Variants in PPIP5K2 observed in about 807,000 individuals in gnomAD.
PPIP5K2 encodes the protein inositol hexakisphosphate and diphosphoinositol-pentakisphosphate kinase 2.
In PPIP5K2, 105 loss-of-function variants were observed where a neutral mutation model predicts 154.6. The ratio of observed to expected loss-of-function variants is 0.68; its 90% CI spans 0.58 to 0.80. PPIP5K2 has a LOEUF of 0.80. Ranked by LOEUF, PPIP5K2 falls within the 30% of genes least tolerant of loss-of-function variation. The pLI is 0.00. For synonymous variants in PPIP5K2, 480 were observed against 490.3 expected, an observed-to-expected ratio of 0.98 and a Z score of 0.28; for missense variants, 992 against 1,504.6, an observed-to-expected ratio of 0.66 and a Z score of 5.64.
intron 30 of PPIP5K2, among the ~76,000 whole-genome samples, chr5:103,196,663 A>G (rs1802130486): frequency 6.6e-6 from 1 of 152,186 alleles, no homozygotes; most frequent in African/African-American, 2.4e-5. Context: ...GACTCATAGT[A>G]CATTGTTCTT....
chr5:103,208,556 A>G lies in PPIP5K2; in HGVS notation c.*6922A>G, dbSNP rs898387705. 3 of 152,248 alleles carry G rather than the reference A, an allele frequency of 2.0e-5. No homozygotes were observed. Among genetic ancestry groups the G allele is most frequent in the African/African-American group, 7.2e-5 (3 of 41,434 alleles). 9.4% of individuals were successfully genotyped at this position (152,248 alleles called of 1,614,324 possible). On this transcript the variant is annotated 3_prime_UTR_variant, in exon 31 of 31. Coordinates refer to ENST00000358359, the MANE Select transcript of PPIP5K2 (RefSeq NM_001276277.3). ...TGGAGTCTCTTTCCTCCTGTCTGCC[A>G]CGTCTACAGACTACTGCTTGTCAAT...
rs373978987 is a variant in PPIP5K2 at position 103,142,733 on chromosome 5, G to A, written c.488-3794G>A. Among the ~76,000 whole-genome samples the A allele has an allele frequency of 7.4e-5, 11 of 147,792 alleles. No homozygotes were observed. The East Asian group carries it at 1.8e-3, about 24-fold the overall frequency. On this transcript the variant is annotated intron_variant, in intron 5 of 30. Transcript: ENST00000358359. ...GGAGCTTGCAGTGAGCCAAGATGGC[G>A]CCACTGCACTCCAGCCTGGGCGAGT...
intron 1 of PPIP5K2, among the ~76,000 whole-genome samples, chr5:103,122,580 C>CAGAA (rs1788953668): frequency 6.6e-6 from 1 of 152,270 alleles, no homozygotes; most frequent in South Asian, 2.1e-4. Context: ...TGCCAGCCTG[C>CAGAA]AGAAGCCTAT....
chr5:103,138,663 AT>A (rs576480866), intron 5 of PPIP5K2, among the ~76,000 whole-genome samples, 194 bp downstream of exon 5: 119 of 152,362 alleles, frequency 7.8e-4, no homozygotes, highest in African/African-American at 2.8e-3. Flanking sequence ...TAATTTAGGA[AT>A]TATTTATCCT....
intron 10 of PPIP5K2, among the ~76,000 whole-genome samples, chr5:103,153,353 T>C (rs1226759163): frequency 6.6e-6 from 1 of 151,904 alleles, no homozygotes; most frequent in Non-Finnish European, 1.5e-5. Flanking sequence ...CACACTAGAT[T>C]ATACCTCTGA....
intron 19 of PPIP5K2, among the ~76,000 whole-genome samples, chr5:103,170,737 CTG>C (rs1268263838): frequency 7.3e-5 from 11 of 150,694 alleles, no homozygotes; most frequent in Non-Finnish European, 1.6e-4. Context: ...AATACAAAAA[CTG>C]TGGACAGAAG....
At position 103,210,643 on chromosome 5, in the gene PPIP5K2, C is replaced by T. The variant is rs1222787473; in HGVS notation, c.*9009C>T. On this transcript the variant is annotated 3_prime_UTR_variant, in exon 31 of 31. Transcript: ENST00000358359. ...TCATAGTCAACAAGTGCTTTTTGAACAATTATTGAGGTAAATAACATACCC... is the reference window on the plus strand; with the variant it reads ...TCATAGTCAACAAGTGCTTTTTGAATAATTATTGAGGTAAATAACATACCC... The T allele has an allele frequency of 1.3e-5, 2 of 152,012 alleles. No individual in the cohort carries two copies. Among genetic ancestry groups the T allele is most frequent in the Non-Finnish European group, 2.9e-5 (2 of 67,966 alleles). 9.4% of individuals were successfully genotyped at this position (152,012 alleles called of 1,614,324 possible).
chr5:103,184,814 CTT>C (rs1800114621), intron 26 of PPIP5K2, 70 bp downstream of exon 26: 3 of 1,239,894 alleles, frequency 2.4e-6, no homozygotes, highest in Non-Finnish European at 3.5e-6. Context: ...ATGTAAAACT[CTT>C]TGGTGAAAGC....
chr5:103,164,931 G>C (rs887691531), intron 17 of PPIP5K2, among the ~76,000 whole-genome samples: 1 of 152,054 alleles, frequency 6.6e-6, no homozygotes, highest in Non-Finnish European at 1.5e-5. Context: ...TAGTGGTTTA[G>C]AGCACCAGTC....
At chr5:103,154,600 G>A (rs1444877365) in intron 11 of PPIP5K2, 70 bp from the exon 12 acceptor site, 10 of 913,326 alleles carry the variant, frequency 1.1e-5, no homozygotes, top group Non-Finnish European at 1.6e-5. Context: ...TTTATTATTT[G>A]TTAGTTTAAA....
chr5:103,130,407 G>C (rs782786479), intron 2 of PPIP5K2, among the ~76,000 whole-genome samples: 2 of 152,104 alleles, frequency 1.3e-5, no homozygotes, highest in Non-Finnish European at 2.9e-5. Context: ...CCTACAGTAT[G>C]TGTTTGTTTT....
chr5:103,173,361 C>T, intron 20 of PPIP5K2, 79 bp downstream of exon 20: 10 of 1,448,744 alleles, frequency 6.9e-6, no homozygotes, highest in Non-Finnish European at 9.4e-6. Flanking sequence ...CTTTGATGGT[C>T]CTATGAAGTC....
At chr5:103,196,929 T>C (rs1580484076) in intron 30 of PPIP5K2, among the ~76,000 whole-genome samples, 1 of 151,914 alleles carries the variant, frequency 6.6e-6, no homozygotes, top group East Asian at 1.9e-4. Context: ...ACCAGGAAAG[T>C]AGAAGGATCA....
chr5:103,156,107 G>T, intron 14 of PPIP5K2, 113 bp downstream of exon 14: 1 of 634,882 alleles, frequency 1.6e-6, no homozygotes, highest in African/African-American at 1.9e-5. Context: ...GCATGGTGAG[G>T]AAAAATAAAG....
At chr5:103,161,116 A>G (rs1230701438) in intron 17 of PPIP5K2, among the ~76,000 whole-genome samples, 4 of 48,016 alleles carry the variant, frequency 8.3e-5, no homozygotes, top group South Asian at 1.6e-3. Context: ...CCCAACCCCC[A>G]CCCCCACAAC....
chr5:103,176,189 C>T (rs1385492672), intron 21 of PPIP5K2, among the ~76,000 whole-genome samples: 5 of 151,930 alleles, frequency 3.3e-5, no homozygotes, highest in Admixed American at 2.0e-4. Flanking sequence ...CTGGAAGTTA[C>T]TACTAAATAT....
Position 103,184,764 on chromosome 5 carries a change from TTG to T in PPIP5K2, c.3169+24_3169+25del. 6.3e-7 allele frequency: 1 copy of T among 1,584,840 alleles called. No homozygotes were observed. On this transcript the variant is annotated intron_variant, in intron 26 of 30. Transcript: ENST00000358359. ...CTGTAGGTATGTGGTGTAAAGGAAA[TTG>T]TGTTCCATACCCTTCTTAAACTCAC...
chr5:103,191,756 C>T (rs1168305488), intron 29 of PPIP5K2, among the ~76,000 whole-genome samples: 4 of 152,028 alleles, frequency 2.6e-5, no homozygotes, highest in African/African-American at 7.2e-5. Flanking sequence ...TGCCAGTTGT[C>T]GTTTTCAGCT....
At chr5:103,154,783 T>A (rs1554212520) in intron 12 of PPIP5K2, 38 bp downstream of exon 12, 1 of 1,554,084 alleles carries the variant, frequency 6.4e-7, no homozygotes, top group Admixed American at 2.0e-5. Context: ...TTTAAATTTT[T>A]TAGTGGTGAA....
Sources: gnomAD v4.1 joint callset for allele counts (sites outside exome capture counted in the v4.1 genomes callset) on GRCh38, gnomAD v4.1.1 for gene constraint, MANE v1.5 for transcripts, NCBI Gene and HGNC (gene_info 2026-07-23, HGNC 2026-07-21) for gene names.